Variants in CNOT2 observed in about 807,000 individuals in gnomAD.
CNOT2 encodes the protein CC chemokine receptor 4-negative regulator of transcription 2.
Under a neutral mutation model 72.1 loss-of-function variants are expected in CNOT2, and 7 were observed. The ratio of observed to expected loss-of-function variants is 0.10; its 90% CI spans 0.06 to 0.18. CNOT2 has a LOEUF of 0.18. CNOT2 is among the 10% of genes least tolerant of loss of function. The probability of loss-of-function intolerance (pLI) is 1.00; values close to 1 mark genes in which losing one functional copy is unlikely to be tolerated. For missense variants in CNOT2, 345 were observed against 660.3 expected, an observed-to-expected ratio of 0.52 and a Z score of 5.23; for synonymous variants, 196 against 225.6, an observed-to-expected ratio of 0.87 and a Z score of 1.17.
At chr12:70,247,674 G>C (rs1957945552) in intron 1 of CNOT2, among the ~76,000 whole-genome samples, 1 of 152,118 alleles carries the variant, frequency 6.6e-6, no homozygotes, top group Non-Finnish European at 1.5e-5. Context: ...ACACTGTATT[G>C]TAATTTACTG....
rs148064945 is a variant in CNOT2 at position 70,310,829 on chromosome 12, A to G, written c.49-66A>G. The G allele has an allele frequency of 1.1e-4, 150 of 1,388,364 alleles. 1 individual carries two copies. The East Asian group carries it at 3.3e-3, about 30-fold the overall frequency. 86.0% of individuals were successfully genotyped at this position (1,388,364 alleles called of 1,614,324 possible). On this transcript the variant is annotated intron_variant, in intron 2 of 15. Coordinates refer to ENST00000229195, the MANE Select transcript of CNOT2 (RefSeq NM_014515.7). Reference sequence around the variant, plus strand: ...TCCCTTCATGTTCTGTTTTCCACATAGGAGTAAGGTAACACTGAACATTTT... The same window carrying G: ...TCCCTTCATGTTCTGTTTTCCACATGGGAGTAAGGTAACACTGAACATTTT...
At chr12:70,308,044 A>G (rs890753443) in intron 2 of CNOT2, 1 of 152,232 alleles carries the variant, frequency 6.6e-6, no homozygotes, top group Non-Finnish European at 1.5e-5. Context: ...TCTCTCTGAC[A>G]TGAGTTCCTA....
intron 1 of CNOT2, among the ~76,000 whole-genome samples, chr12:70,246,435 C>T (rs904847163): frequency 3.3e-5 from 5 of 152,036 alleles, no homozygotes; most frequent in Admixed American, 6.5e-5. Context: ...TCCAGGGTAC[C>T]AGGTAGGGCA....
chr12:70,343,726 T>G (rs7311366), intron 13 of CNOT2, among the ~76,000 whole-genome samples: 106,961 of 152,082 alleles, frequency 0.7, 37,936 homozygotes, highest in East Asian at 0.94. Context: ...GCTAAGAGAT[T>G]TTAAATAACT....
chr12:70,261,963 C>T (rs1958792063), intron 1 of CNOT2, among the ~76,000 whole-genome samples: 1 of 151,692 alleles, frequency 6.6e-6, no homozygotes, highest in Non-Finnish European at 1.5e-5. Flanking sequence ...AAGAATTTGT[C>T]CCTTCCCTTT....
Position 70,319,326 on chromosome 12 carries a change from A to G in CNOT2, c.200A>G (p.Gln67Arg). ...CTGGCATCACCATCTACATCAGGTC[A>G]GCTGTCTCAGTTTGGGGCAAGTTTA... is the stretch of plus-strand genomic sequence containing the variant. ...DMLASPSTSG[Q>R]LSQFGASLYG... is the part of the protein sequence containing the mutation. Residue 67 changes from glutamine (Q) to arginine (R), a missense_variant, in exon 4 of 16, where the codon CAG (glutamine) becomes CGG (arginine). Coordinates refer to ENST00000229195, the MANE Select transcript of CNOT2 (RefSeq NM_014515.7). 6.2e-7 allele frequency: 1 copy of G among 1,610,882 alleles called. No individual in the cohort carries two copies. The highest frequency in any genetic ancestry group is 8.5e-7 in the Non-Finnish European group (1 of 1,177,740).
intron 11 of CNOT2, among the ~76,000 whole-genome samples, chr12:70,339,852 A>C (rs759180565): frequency 2.6e-5 from 4 of 152,114 alleles, no homozygotes; most frequent in Non-Finnish European, 5.9e-5. Context: ...TCTAGCCAAC[A>C]AATCTGACTA....
Position 70,338,964 on chromosome 12 carries a change from C to T in CNOT2, c.1178+142C>T, listed in dbSNP as rs138494520. On this transcript the variant is annotated intron_variant, in intron 11 of 15. Transcript: ENST00000229195. ...TCTGGGTCATTCCCATTCATGTTAG[C>T]TCTTAGATCACTGTCACTCTGCAGT... 9 of 708,212 alleles carry T rather than the reference C, an allele frequency of 1.3e-5. No individual in the cohort carries two copies. The East Asian group carries it at 1.6e-4, about 13-fold the overall frequency. 43.9% of individuals were successfully genotyped at this position (708,212 alleles called of 1,614,324 possible). A position where few individuals can be genotyped will look rare whatever the true frequency, so the allele number is the denominator to read the frequency against.
chr12:70,347,802 C>T (rs906977687), intron 15 of CNOT2: 1 of 152,134 alleles, frequency 6.6e-6, no homozygotes, highest in Non-Finnish European at 1.5e-5. Context: ...AGTTCCAATT[C>T]ATGTGACTAT....
At chr12:70,289,619 A>AT (rs913736119) in intron 2 of CNOT2, among the ~76,000 whole-genome samples, 2 of 151,296 alleles carry the variant, frequency 1.3e-5, no homozygotes, top group African/African-American at 4.9e-5. Context: ...TGCTTTGTTC[A>AT]TTTTTTTCTT....
intron 13 of CNOT2, among the ~76,000 whole-genome samples, chr12:70,343,072 A>AAGATGG (rs1881712034): frequency 6.6e-6 from 1 of 152,152 alleles, no homozygotes; most frequent in Non-Finnish European, 1.5e-5. Flanking sequence ...GATAAAAGGC[A>AAGATGG]AGAAATACAA....
At position 70,342,097 on chromosome 12, in the gene CNOT2, C is replaced by T. The variant is rs367977033; in HGVS notation, c.1179-10C>T. 1 of 1,529,382 alleles carries T rather than the reference C, an allele frequency of 6.5e-7. No individual in the cohort carries two copies. Among genetic ancestry groups the T allele is most frequent in the Non-Finnish European group, 9.1e-7 (1 of 1,103,138 alleles). 94.7% of individuals were successfully genotyped at this position (1,529,382 alleles called of 1,614,324 possible). A position where few individuals can be genotyped will look rare whatever the true frequency, so the allele number is the denominator to read the frequency against. ...GGATTTCAAAATGTTTTCTTTTCCT[C>T]CTTATTCAGAAATCTCTACCCCAAA... On this transcript the variant is annotated splice_polypyrimidine_tract_variant and intron_variant, in intron 11 of 15. Transcript: ENST00000229195.
At chr12:70,269,675 C>G (rs1302413421) in intron 1 of CNOT2, among the ~76,000 whole-genome samples, 3 of 152,120 alleles carry the variant, frequency 2.0e-5, no homozygotes, top group African/African-American at 7.2e-5. Context: ...TAACAAAAAT[C>G]ATCACAGGTG....
Position 70,338,647 on chromosome 12 carries a change from CTG to C in CNOT2, c.1022-15_1022-14del, listed in dbSNP as rs748148413. 37 of 1,599,166 alleles carry C rather than the reference CTG, an allele frequency of 2.3e-5. No homozygotes were observed. Among genetic ancestry groups the C allele is most frequent in the Non-Finnish European group, 3.1e-5 (36 of 1,175,014 alleles). On this transcript the variant is annotated splice_polypyrimidine_tract_variant and intron_variant, in intron 10 of 15. Coordinates refer to ENST00000229195, the MANE Select transcript of CNOT2 (RefSeq NM_014515.7). ...AACTTTTTCTTGAAAATAAAAGCAA[CTG>C]TGTTTTTCCTACCCAGGTCGGGTTA...
intron 2 of CNOT2, among the ~76,000 whole-genome samples, chr12:70,292,755 C>T (rs1012923119): frequency 6.6e-6 from 1 of 152,104 alleles, no homozygotes; most frequent in African/African-American, 2.4e-5. Flanking sequence ...TATTCTGAGC[C>T]TGAAGGGGAT....
intron 1 of CNOT2, chr12:70,243,998 C>T (rs1343101572): frequency 6.6e-6 from 1 of 152,304 alleles, no homozygotes; most frequent in East Asian, 1.9e-4. Context: ...GGCTTCTTAC[C>T]TTCTCTCAAT....
At chr12:70,316,331 C>T (rs1461882191) in intron 3 of CNOT2, among the ~76,000 whole-genome samples, 1 of 152,112 alleles carries the variant, frequency 6.6e-6, no homozygotes, top group Non-Finnish European at 1.5e-5. Context: ...ATAGTACTTA[C>T]TGTTCTGTCA....
In CNOT2 at chr12:70,354,120, T is replaced by G. The variant is rs1883213101; in HGVS notation, c.*205T>G. ...GCTGCCCAACAACTAAATTTGTAAT[T>G]TGTTTTTCTCTAGTTTGAGCAGGGT... is the stretch of plus-strand genomic sequence containing the variant. On this transcript the variant is annotated 3_prime_UTR_variant, in exon 16 of 16. Coordinates refer to ENST00000229195, the MANE Select transcript of CNOT2 (RefSeq NM_014515.7). The G allele has an allele frequency of 9.9e-7, 1 of 1,011,060 alleles. No homozygotes were observed. Among genetic ancestry groups the G allele is most frequent in the Admixed American group, 3.7e-5 (1 of 26,996 alleles). 62.6% of individuals were successfully genotyped at this position (1,011,060 alleles called of 1,614,324 possible).
At chr12:70,293,049 C>A (rs1872188255) in intron 2 of CNOT2, among the ~76,000 whole-genome samples, 1 of 151,478 alleles carries the variant, frequency 6.6e-6, no homozygotes, top group African/African-American at 2.4e-5. Context: ...AAATAAGCTT[C>A]TATTTTTATT....
Sources: allele counts gnomAD v4.1 joint callset (sites outside exome capture counted in the v4.1 genomes callset), GRCh38; gene constraint gnomAD v4.1.1; transcripts MANE v1.5; gene names NCBI Gene and HGNC (gene_info 2026-07-23, HGNC 2026-07-21).